DMD: variants seen among roughly 807,000 people sequenced by gnomAD.
The protein encoded by DMD is dystrophin.
DMD carries 63 observed loss-of-function variants against 330.1 expected under a neutral mutation model. The ratio of observed to expected loss-of-function variants is 0.19; its 90% CI spans 0.16 to 0.24. The LOEUF (loss-of-function observed/expected upper bound fraction) is 0.24, where lower values mean the gene tolerates loss of function less well. Ranked by LOEUF, DMD falls within the 10% of genes least tolerant of loss-of-function variation. The probability of loss-of-function intolerance (pLI) is 1.00; values close to 1 mark genes in which losing one functional copy is unlikely to be tolerated. For missense variants in DMD, 3,344 were observed against 2,684.1 expected, an observed-to-expected ratio of 1.25 and a Z score of -5.43; for synonymous variants, 1,223 against 959.8, an observed-to-expected ratio of 1.27 and a Z score of -5.07.
chrX:32,837,064 G>A (rs1382921004), intron 4 of DMD, among the ~76,000 whole-genome samples: 1 of 111,534 alleles, frequency 9.0e-6, no homozygotes, highest in African/African-American at 3.3e-5. Context: ...AAATAGAAGT[G>A]GTATGGCCTC....
chrX:31,470,040 C>G (rs2067177230), intron 59 of DMD, among the ~76,000 whole-genome samples: 1 of 110,915 alleles, frequency 9.0e-6, no homozygotes, highest in East Asian at 2.8e-4. Context: ...ATGTTCCTCT[C>G]TAAACTGGTT....
At position 32,636,627 on chromosome X, in the gene DMD, C is replaced by A. The variant is rs1277570162; in HGVS notation, c.1331+7505G>T. ...GGCAACATTAAAGTTCAAATGCAAA[C>A]ACATTTATTTTCATTTTGAAAACAT... On this transcript the variant is annotated intron_variant, in intron 11 of 78. Coordinates refer to ENST00000357033, the MANE Select transcript of DMD (RefSeq NM_004006.3). Among the ~76,000 whole-genome samples, 4 of 111,727 alleles carry A rather than the reference C, an allele frequency of 3.6e-5. No homozygotes were observed. In the Admixed American group the frequency reaches 3.8e-4, roughly 11 times the overall value.
intron 19 of DMD, among the ~76,000 whole-genome samples, chrX:32,493,947 G>C (rs757499837): frequency 8.9e-6 from 1 of 111,783 alleles, no homozygotes; most frequent in South Asian, 3.8e-4. Context: ...ACTGATGCTG[G>C]ATTGAGTCTT....
intron 2 of DMD, among the ~76,000 whole-genome samples, chrX:32,888,718 T>C (rs909423036): frequency 8.9e-6 from 1 of 112,147 alleles, no homozygotes; most frequent in African/African-American, 3.2e-5. Flanking sequence ...CCCGTGTTTA[T>C]TGTGGCAGTA....
intron 47 of DMD, among the ~76,000 whole-genome samples, chrX:31,885,385 C>T (rs1439221747): frequency 1.0e-4 from 11 of 110,052 alleles, no homozygotes; most frequent in Admixed American, 8.7e-4. Context: ...CCGAGGCGGG[C>T]GGATCATAAG....
intron 2 of DMD, among the ~76,000 whole-genome samples, chrX:32,919,271 G>A (rs2088146825): frequency 8.9e-6 from 1 of 111,733 alleles, no homozygotes; most frequent in Admixed American, 9.5e-5. Flanking sequence ...AAATAGTGTT[G>A]GTTGATGAAA....
At chrX:31,576,407 T>C (rs1340158606) in intron 55 of DMD, among the ~76,000 whole-genome samples, 1 of 111,209 alleles carries the variant, frequency 9.0e-6, no homozygotes, top group Non-Finnish European at 1.9e-5. Context: ...GCTATGGGAC[T>C]GTTGCCACAG....
Position 32,342,233 on chromosome X carries a change from C to T in DMD, c.5789G>A (p.Arg1930His), listed in dbSNP as rs759051688. The T allele has an allele frequency of 1.7e-5, 20 of 1,209,680 alleles. No homozygotes were observed. The highest frequency in any genetic ancestry group is 4.4e-5 in the Admixed American group (2 of 45,619). The part of the protein sequence containing the change: ...QKKKEELNAV[R>H]RQAEGLSEDG... Reference sequence around the variant, plus strand: ...CTCAGACAAGCCCTCAGCTTGCCTACGCACTGCATTCAGCTCCTCTTTCTT... The same window carrying T: ...CTCAGACAAGCCCTCAGCTTGCCTATGCACTGCATTCAGCTCCTCTTTCTT... The change falls in exon 41 of 79, where the codon CGT (arginine) becomes CAT (histidine). Residue 1930 changes from arginine to histidine, a missense_variant. Transcript: ENST00000357033.
chrX:33,090,555 T>A (rs867625919), intron 1 of DMD, among the ~76,000 whole-genome samples: 1 of 109,515 alleles, frequency 9.1e-6, no homozygotes, highest in Middle Eastern at 4.8e-3. Context: ...CATTTGACTA[T>A]CATATGCCAC....
chrX:32,036,972 C>T (rs1003777551), intron 44 of DMD, among the ~76,000 whole-genome samples: 1 of 111,369 alleles, frequency 9.0e-6, no homozygotes, highest in Non-Finnish European at 1.9e-5. Flanking sequence ...CATCAGTGTC[C>T]TTGATGAGAG....
At chrX:31,870,780 C>T (rs1476615996) in intron 48 of DMD, among the ~76,000 whole-genome samples, 2 of 111,432 alleles carry the variant, frequency 1.8e-5, no homozygotes, top group East Asian at 2.8e-4. Context: ...CCAGCAGAGC[C>T]ACATGTCATG....
chrX:31,260,526 C>T (rs762255752), intron 63 of DMD, among the ~76,000 whole-genome samples: 4 of 111,349 alleles, frequency 3.6e-5, no homozygotes, highest in Non-Finnish European at 7.5e-5. Context: ...TTGTGAGCAC[C>T]GGAAAGACGG....
At chrX:32,018,990 A>G (rs1034955778) in intron 44 of DMD, among the ~76,000 whole-genome samples, 1 of 111,733 alleles carries the variant, frequency 8.9e-6, no homozygotes, top group African/African-American at 3.2e-5. Context: ...TGTTTTTGCA[A>G]GTTCCAGCAT....
At chrX:31,305,747 C>T (rs953912442) in intron 62 of DMD, among the ~76,000 whole-genome samples, 1 of 112,548 alleles carries the variant, frequency 8.9e-6, no homozygotes, top group Non-Finnish European at 1.9e-5. Context: ...ACACCTCCAA[C>T]AAACTTCACC....
chrX:32,508,613 G>C (rs1197651981), intron 18 of DMD, among the ~76,000 whole-genome samples: 1 of 110,702 alleles, frequency 9.0e-6, no homozygotes, highest in East Asian at 2.8e-4. Context: ...TACCATGTGG[G>C]ACTTCTGAGG....
At chrX:32,949,803 A>G (rs1263301692) in intron 2 of DMD, among the ~76,000 whole-genome samples, 1 of 111,446 alleles carries the variant, frequency 9.0e-6, no homozygotes, top group African/African-American at 3.3e-5. Flanking sequence ...AAAAATCAGC[A>G]TAACAGCAAA....
At position 32,861,680 on chromosome X, in the gene DMD, T is replaced by C. The variant is rs73464837; in HGVS notation, c.94-11860A>G. ...AGATTATCTGACAGGAGCTTTGATA[T>C]TGGGTGATGGAATTTCTTTCCTCTC... On this transcript the variant is annotated intron_variant, in intron 2 of 78. Transcript: ENST00000357033. Among the ~76,000 whole-genome samples, 524 of 111,674 alleles carry C rather than the reference T, an allele frequency of 4.7e-3. 2 individuals carry two copies. Among genetic ancestry groups the C allele is most frequent in the African/African-American group, 0.016 (496 of 30,709 alleles).
In DMD at chrX:31,255,777, T is replaced by A. The variant is rs1009902482; in HGVS notation, c.9286+5178A>T. ...CTTGTCCAATATCGTTACTTTTTTT[T>A]TTTTTTTTTTTTTTTGAGATGGAGT... is the stretch of plus-strand genomic sequence containing the variant. On this transcript the variant is annotated intron_variant, in intron 63 of 78. Transcript: ENST00000357033. Among the ~76,000 whole-genome samples the A allele has an allele frequency of 1.2e-3, 119 of 96,601 alleles. 4 individuals are homozygous for A. The highest frequency in any genetic ancestry group is 1.6e-3 in the Non-Finnish European group (77 of 47,872). The allele number at this position is 96,601 out of a possible 115,157, so 83.9% of individuals were successfully genotyped here.
chrX:32,217,546 A>G (rs2097117288), intron 43 of DMD, among the ~76,000 whole-genome samples: 1 of 111,225 alleles, frequency 9.0e-6, no homozygotes, highest in Non-Finnish European at 1.9e-5. Flanking sequence ...TCATCAACTG[A>G]AAGGAGTAAT....
Sources: gnomAD v4.1 joint callset for allele counts (sites outside exome capture counted in the v4.1 genomes callset) on GRCh38, gnomAD v4.1.1 for gene constraint, MANE v1.5 for transcripts, NCBI Gene and HGNC (gene_info 2026-07-23, HGNC 2026-07-21) for gene names.